GTF2E2: variants seen among roughly 807,000 people sequenced by gnomAD.
GTF2E2 encodes the protein transcription initiation factor IIE subunit beta.
A neutral mutation model predicts 40.5 loss-of-function variants in GTF2E2; 21 were observed. The ratio of observed to expected loss-of-function variants is 0.52; its 90% CI spans 0.37 to 0.75. The LOEUF (loss-of-function observed/expected upper bound fraction) is 0.75. Among genes scored for constraint, GTF2E2 ranks in the 30% least tolerant of loss-of-function variants. GTF2E2 has a pLI of 0.00. For synonymous variants in GTF2E2, 117 were observed against 121.6 expected (o/e 0.96, Z 0.25); for missense variants, 298 against 338.4 (o/e 0.88, Z 0.94).
At chr8:30,620,239 A>AACACAAACACACAC (rs61566167) in intron 3 of GTF2E2, among the ~76,000 whole-genome samples, 4,464 of 150,468 alleles carry the variant, frequency 0.03, 114 homozygotes, top group African/African-American at 0.047. Flanking sequence ...CACACACACA[A>AACACAAACACACAC]ACACACACAC....
intron 2 of GTF2E2, among the ~76,000 whole-genome samples, chr8:30,642,296 C>A (rs1240063520): frequency 6.6e-3 from 856 of 129,428 alleles, no homozygotes; most frequent in African/African-American, 7.8e-3. Flanking sequence ...GGAGAAAAGC[C>A]AAAAAAAAAA....
intron 3 of GTF2E2, among the ~76,000 whole-genome samples, chr8:30,618,454 G>C (rs1269370214): frequency 6.6e-6 from 1 of 152,112 alleles, no homozygotes; most frequent in Admixed American, 6.5e-5. Context: ...GCGGGCCTGG[G>C]AATCTCACAT....
chr8:30,596,660 T>C (rs1281141972), intron 6 of GTF2E2, among the ~76,000 whole-genome samples: 6 of 151,498 alleles, frequency 4.0e-5, no homozygotes, highest in Non-Finnish European at 8.8e-5. Context: ...GTCTCAATAG[T>C]GTGTTGTTCT....
chr8:30,655,076 G>T (rs142119686), intron 1 of GTF2E2, among the ~76,000 whole-genome samples: 1 of 151,826 alleles, frequency 6.6e-6, no homozygotes, highest in Non-Finnish European at 1.5e-5. Context: ...TGACACATAC[G>T]TGTAGTCCGG....
At chr8:30,589,241 C>T (rs954017801) in intron 6 of GTF2E2, among the ~76,000 whole-genome samples, 2 of 152,108 alleles carry the variant, frequency 1.3e-5, no homozygotes, top group Non-Finnish European at 2.9e-5. Flanking sequence ...GCTGACAAAG[C>T]GAGACTCCAC....
chr8:30,609,178 ATC>A (rs1335486730), intron 5 of GTF2E2, among the ~76,000 whole-genome samples: 1 of 151,818 alleles, frequency 6.6e-6, no homozygotes, highest in Non-Finnish European at 1.5e-5. Flanking sequence ...AGACAGGAGA[ATC>A]TCTTAAACCA....
chr8:30,624,955 C>T (rs1158795871), intron 3 of GTF2E2, among the ~76,000 whole-genome samples: 1 of 110,026 alleles, frequency 9.1e-6, no homozygotes, highest in Non-Finnish European at 1.9e-5. Flanking sequence ...CATCTGCAAA[C>T]AGGGACAATT....
In GTF2E2 at chr8:30,579,024, CTCTGAA is replaced by C; in HGVS notation, c.767_772del (p.Ile256_Gln257del). On this transcript the variant is annotated inframe_deletion, in exon 8 of 8. Transcript: ENST00000355904. ...TTTCTGTGAAGCAGGCTTTTTCCTT[CTCTGAA>C]TAGGGGCCTAAAGGAAAAGGTAAAA... 1 of 1,578,802 alleles carries C rather than the reference CTCTGAA, an allele frequency of 6.3e-7. No individual in the cohort carries two copies. The highest frequency in any genetic ancestry group is 8.7e-7 in the Non-Finnish European group (1 of 1,147,900).
intron 3 of GTF2E2, among the ~76,000 whole-genome samples, chr8:30,628,791 T>A (rs913725323): frequency 6.6e-6 from 1 of 151,906 alleles, no homozygotes; most frequent in African/African-American, 2.4e-5. Context: ...ATTAGCCGGG[T>A]GTGGTGGCAC....
chr8:30,601,759 G>A (rs903590297), intron 6 of GTF2E2, among the ~76,000 whole-genome samples: 1 of 152,170 alleles, frequency 6.6e-6, no homozygotes, highest in African/African-American at 2.4e-5. Context: ...AATGTATACT[G>A]TACACAGAAT....
At chr8:30,607,811 T>C (rs1829363774) in intron 5 of GTF2E2, among the ~76,000 whole-genome samples, 1 of 152,208 alleles carries the variant, frequency 6.6e-6, no homozygotes, top group African/African-American at 2.4e-5. Flanking sequence ...CCTTGAGATA[T>C]TTCGCTCCTT....
At chr8:30,618,092 T>C (rs1238573341) in intron 3 of GTF2E2, among the ~76,000 whole-genome samples, 3 of 151,546 alleles carry the variant, frequency 2.0e-5, no homozygotes, top group African/African-American at 4.9e-5. Context: ...AGGCCAGGAG[T>C]TCAAGACCAG....
intron 5 of GTF2E2, among the ~76,000 whole-genome samples, chr8:30,609,066 G>C (rs1032525939): frequency 2.0e-5 from 3 of 152,096 alleles, no homozygotes; most frequent in African/African-American, 7.2e-5. Context: ...GGAGTTTTGA[G>C]ACCAGCCTGG....
At chr8:30,641,575 G>A (rs1381218515) in intron 2 of GTF2E2, among the ~76,000 whole-genome samples, 2 of 152,108 alleles carry the variant, frequency 1.3e-5, no homozygotes, top group African/African-American at 2.4e-5. Flanking sequence ...GCCCAGGCTG[G>A]TCTCAAACTC....
At chr8:30,579,084 G>A (rs753638821) in intron 7 of GTF2E2, 47 bp from the exon 8 acceptor site, 1 of 986,678 alleles carries the variant, frequency 1.0e-6, no homozygotes, top group Non-Finnish European at 1.6e-6. Flanking sequence ...TGCTCTGAGG[G>A]GTGGTGTGGC....
chr8:30,637,434 A>C (rs773941687), intron 2 of GTF2E2, among the ~76,000 whole-genome samples: 3 of 152,218 alleles, frequency 2.0e-5, no homozygotes, highest in Admixed American at 6.5e-5. Flanking sequence ...ATATTTGTTG[A>C]ATGAATGACT....
chr8:30,612,579 T>A (rs931984173), intron 4 of GTF2E2, 98 bp from the exon 5 acceptor site: 3 of 668,606 alleles, frequency 4.5e-6, no homozygotes, highest in Non-Finnish European at 7.1e-6. Flanking sequence ...CAGGCTGGAG[T>A]GCAGTGGCGT....
chr8:30,601,728 T>C lies in GTF2E2; in HGVS notation c.643+5329A>G, dbSNP rs543044463. Among the ~76,000 whole-genome samples the C allele has an allele frequency of 3.3e-5, 5 of 152,336 alleles. No individual in the cohort carries two copies. In the East Asian group the frequency reaches 9.6e-4, roughly 29 times the overall value. On this transcript the variant is annotated intron_variant, in intron 6 of 7. Coordinates refer to ENST00000355904, the MANE Select transcript of GTF2E2 (RefSeq NM_002095.6). ...AACAAAGTATTTTTGGCACTTTTAA[T>C]AAACTTTTCTAGGAATATACAATGT...
chr8:30,592,651 G>C (rs1411681317), intron 6 of GTF2E2, among the ~76,000 whole-genome samples: 1 of 152,042 alleles, frequency 6.6e-6, no homozygotes, highest in African/African-American at 2.4e-5. Flanking sequence ...TACAATGCCT[G>C]GTACAATTTA....
Sources: gnomAD v4.1 joint callset for allele counts (sites outside exome capture counted in the v4.1 genomes callset) on GRCh38, gnomAD v4.1.1 for gene constraint, MANE v1.5 for transcripts, NCBI Gene and HGNC (gene_info 2026-07-23, HGNC 2026-07-21) for gene names.